SLC5A3: variants seen among roughly 807,000 people sequenced by gnomAD.
SLC5A3 encodes sodium/myo-inositol cotransporter.
Under a neutral mutation model 43.2 loss-of-function variants are expected in SLC5A3, and 10 were observed. The observed-to-expected ratio is 0.23, with a 90% CI of 0.14 to 0.39. SLC5A3 has a LOEUF of 0.39. Ranked by LOEUF, SLC5A3 falls within the 10% of genes least tolerant of loss-of-function variation. The pLI is 1.00. For synonymous variants in SLC5A3, 349 were observed against 322.0 expected, an observed-to-expected ratio of 1.08 and a Z score of -0.90; for missense variants, 608 against 893.4, an observed-to-expected ratio of 0.68 and a Z score of 4.07.
chr21:34,077,295 T>C (rs1399675596), intron 1 of SLC5A3, among the ~76,000 whole-genome samples: 1 of 152,236 alleles, frequency 6.6e-6, no homozygotes, highest in African/African-American at 2.4e-5. Flanking sequence ...TAGACACTTT[T>C]TATGCCTTGG....
In SLC5A3 at chr21:34,095,025, ATCAC is replaced by A; in HGVS notation, c.-173_-170del. 1.3e-6 allele frequency: 1 copy of A among 752,732 alleles called. No individual in the cohort carries two copies. Among genetic ancestry groups the A allele is most frequent in the African/African-American group, 1.8e-5 (1 of 55,510 alleles). 46.6% of individuals were successfully genotyped at this position (752,732 alleles called of 1,614,324 possible). A position where few individuals can be genotyped will look rare whatever the true frequency, so the allele number is the denominator to read the frequency against. On this transcript the variant is annotated 5_prime_UTR_variant, in exon 2 of 2. Transcript: ENST00000381151. ...ATTTAAACTGTCTTCTTCAAAGTTT[ATCAC>A]AACCACCACCATCAAGACAGCAAAC... is the stretch of plus-strand genomic sequence containing the variant.
At position 34,096,437 on chromosome 21, in the gene SLC5A3, A is replaced by G. The variant is rs933707054; in HGVS notation, c.1239A>G (p.Ile413Met). 4 of 1,614,060 alleles carry G rather than the reference A, an allele frequency of 2.5e-6. No individual in the cohort carries two copies. Among genetic ancestry groups the G allele is most frequent in the Non-Finnish European group, 3.4e-6 (4 of 1,180,028 alleles). ...GGGAGTTAATGATTGTGGGGAGGAT[A>G]TTTGTGGCATTTATGGTGGTGATCA... ...SSRELMIVGR[I>M]FVAFMVVISI... The change falls in exon 2 of 2, where the codon ATA (isoleucine) becomes ATG (methionine). Residue 413 changes from isoleucine (I) to methionine (M), a missense_variant. Physicochemically the swap from Ile to Met is conservative, Grantham distance 10. Around this residue, in one of 2 missense-constraint regions of SLC5A3, gnomAD observed 398 missense variants for 668.6 expected, o/e 0.60. Transcript: ENST00000381151. This position sits in a 1 kb window ranked among gnomAD's most constrained non-coding sequence, Gnocchi z 5.9.
In SLC5A3 at chr21:34,101,785, T is replaced by G. The variant is rs1209066435; in HGVS notation, c.*4430T>G. On this transcript the variant is annotated 3_prime_UTR_variant, in exon 2 of 2. Transcript: ENST00000381151. ...ATACTGAATTTCTGTTAGCTTAAAA[T>G]GTTAATTCTCAGGAATGATTTTCTC... is the stretch of plus-strand genomic sequence containing the variant. 1.0e-6 allele frequency: 1 copy of G among 996,296 alleles called. No individual in the cohort carries two copies. Among genetic ancestry groups the G allele is most frequent in the Non-Finnish European group, 1.2e-6 (1 of 826,734 alleles). The allele number at this position is 996,296 out of a possible 1,614,324, so 61.7% of individuals were successfully genotyped here.
At chr21:34,083,873 C>G (rs1315324573) in intron 1 of SLC5A3, among the ~76,000 whole-genome samples, 2 of 152,134 alleles carry the variant, frequency 1.3e-5, no homozygotes, top group African/African-American at 4.8e-5. Context: ...TTAGGATGGA[C>G]TCATTGGAAA....
rs1480141149 is a variant in SLC5A3 at position 34,103,216 on chromosome 21, G to T, written c.*5861G>T. ...TATGTGTTTGGATTAGTGCCTTCTG[G>T]TTACCAGTATTGACTCTGCTAGTTT... On this transcript the variant is annotated 3_prime_UTR_variant, in exon 2 of 2. Coordinates refer to ENST00000381151, the MANE Select transcript of SLC5A3 (RefSeq NM_006933.7). The T allele has an allele frequency of 7.0e-6, 7 of 999,144 alleles. No individual in the cohort carries two copies. Among genetic ancestry groups the T allele is most frequent in the Non-Finnish European group, 8.4e-6 (7 of 829,784 alleles). The allele number at this position is 999,144 out of a possible 1,614,324, so 61.9% of individuals were successfully genotyped here.
intron 1 of SLC5A3, among the ~76,000 whole-genome samples, chr21:34,080,144 A>G (rs2148652880): frequency 6.6e-6 from 1 of 152,308 alleles, no homozygotes; most frequent in East Asian, 1.9e-4. Context: ...TGTAGTGCAA[A>G]TATATGTCCT....
chr21:34,096,972 G>A lies in SLC5A3; in HGVS notation c.1774G>A (p.Glu592Lys). The A allele has an allele frequency of 1.2e-6, 2 of 1,614,130 alleles. No homozygotes were observed. The highest frequency in any genetic ancestry group is 1.7e-6 in the Non-Finnish European group (2 of 1,179,996). ...CCACATCATTCCCAACGGGAAATCT[G>A]AAGACAGCATTAAGGGCCTTCAGCC... is the stretch of plus-strand genomic sequence containing the variant. Reference protein sequence around the residue: ...INHIIPNGKSEDSIKGLQPED... With the variant: ...INHIIPNGKSKDSIKGLQPED... Residue 592 changes from glutamate to lysine, a missense_variant, in exon 2 of 2, where the codon GAA becomes AAA. By Grantham distance (56) the Glu-to-Lys change is moderately conservative. Coordinates refer to ENST00000381151, the MANE Select transcript of SLC5A3 (RefSeq NM_006933.7). This position sits in a 1 kb window ranked among gnomAD's most constrained non-coding sequence, Gnocchi z 5.9.
rs1979396061 is a variant in SLC5A3, at chr21:34,104,597, T to A, written c.*7242T>A. 1.0e-6 allele frequency: 1 copy of A among 1,000,112 alleles called. No individual in the cohort carries two copies. The highest frequency in any genetic ancestry group is 1.7e-5 in the African/African-American group (1 of 57,326). The allele number at this position is 1,000,112 out of a possible 1,614,324, so 62.0% of individuals were successfully genotyped here. On this transcript the variant is annotated 3_prime_UTR_variant, in exon 2 of 2. Coordinates refer to ENST00000381151, the MANE Select transcript of SLC5A3 (RefSeq NM_006933.7). ...CTAATATGAGATGTTTTAGAAGAGT[T>A]AACCTGAACACTTTGAGGGAGAGAT... is the stretch of plus-strand genomic sequence containing the variant.
Position 34,103,186 on chromosome 21 carries a change from A to G in SLC5A3, c.*5831A>G, listed in dbSNP as rs2148662161. The G allele has an allele frequency of 1.0e-6, 1 of 1,000,044 alleles. No homozygotes were observed. Among genetic ancestry groups the G allele is most frequent in the South Asian group, 4.7e-5 (1 of 21,280 alleles). 61.9% of individuals were successfully genotyped at this position (1,000,044 alleles called of 1,614,324 possible). Reference sequence around the variant, plus strand: ...TATTCCATAATATAACCAGCTTTTGAAATTTATGTGTTTGGATTAGTGCCT... The same window carrying G: ...TATTCCATAATATAACCAGCTTTTGGAATTTATGTGTTTGGATTAGTGCCT... On this transcript the variant is annotated 3_prime_UTR_variant, in exon 2 of 2. Coordinates refer to ENST00000381151, the MANE Select transcript of SLC5A3 (RefSeq NM_006933.7).
chr21:34,087,109 G>T (rs1001942952), intron 1 of SLC5A3, among the ~76,000 whole-genome samples: 10 of 152,164 alleles, frequency 6.6e-5, no homozygotes, highest in African/African-American at 2.4e-4. Context: ...GGAGATGGTG[G>T]CTCCAGATAC....
At chr21:34,084,350 G>A (rs568524524) in intron 1 of SLC5A3, among the ~76,000 whole-genome samples, 4 of 152,082 alleles carry the variant, frequency 2.6e-5, no homozygotes, top group Middle Eastern at 6.8e-3. Flanking sequence ...TCTAGAAACA[G>A]TTTTTTTCTA....
At chr21:34,082,915 G>A (rs1453611789) in intron 1 of SLC5A3, among the ~76,000 whole-genome samples, 1 of 152,048 alleles carries the variant, frequency 6.6e-6, no homozygotes, top group Non-Finnish European at 1.5e-5. Context: ...TGTCCACTTT[G>A]GGCATACCTC....
Position 34,098,654 on chromosome 21 carries a change from CAA to C in SLC5A3, c.*1300_*1301del. 1.0e-6 allele frequency: 1 copy of C among 1,000,242 alleles called. No individual in the cohort carries two copies. The allele number at this position is 1,000,242 out of a possible 1,614,324, so 62.0% of individuals were successfully genotyped here. A position where few individuals can be genotyped will look rare whatever the true frequency, so the allele number is the denominator to read the frequency against. On this transcript the variant is annotated 3_prime_UTR_variant, in exon 2 of 2. Transcript: ENST00000381151. The stretch of plus-strand genomic sequence containing the variant: ...GATAGCATGTTTGAGAGGTGCCAAA[CAA>C]GAACTTTTGGGGTTAGTAGTGTGTC...
In SLC5A3 at chr21:34,102,148, G is replaced by A. The variant is rs183044008; in HGVS notation, c.*4793G>A. The A allele has an allele frequency of 2.0e-6, 2 of 999,984 alleles. No individual in the cohort carries two copies. The highest frequency in any genetic ancestry group is 1.7e-5 in the African/African-American group (1 of 57,210). 61.9% of individuals were successfully genotyped at this position (999,984 alleles called of 1,614,324 possible). A position where few individuals can be genotyped will look rare whatever the true frequency, so the allele number is the denominator to read the frequency against. On this transcript the variant is annotated 3_prime_UTR_variant, in exon 2 of 2. Coordinates refer to ENST00000381151, the MANE Select transcript of SLC5A3 (RefSeq NM_006933.7). ...TAATATGGAATGTTTTTGTCAGACT[G>A]TCCTTTGTTGGAATACTTTAGCTGT... is the stretch of plus-strand genomic sequence containing the variant.
intron 1 of SLC5A3, among the ~76,000 whole-genome samples, chr21:34,083,310 A>C (rs1314315879): frequency 1.3e-5 from 2 of 152,200 alleles, no homozygotes; most frequent in African/African-American, 4.8e-5. Context: ...TTCCGTTAGA[A>C]AGGTGCAGAA....
At chr21:34,091,071 A>T (rs1978659395) in intron 1 of SLC5A3, among the ~76,000 whole-genome samples, 1 of 152,206 alleles carries the variant, frequency 6.6e-6, no homozygotes, top group African/African-American at 2.4e-5. Context: ...CCCTTCAATT[A>T]TTAGCTGGCT....
In SLC5A3 at chr21:34,101,733, C is replaced by T. The variant is rs996643535; in HGVS notation, c.*4378C>T. The T allele has an allele frequency of 4.0e-6, 4 of 991,404 alleles. No individual in the cohort carries two copies. In the African/African-American group the frequency reaches 7.0e-5, roughly 17 times the overall value. The allele number at this position is 991,404 out of a possible 1,614,324, so 61.4% of individuals were successfully genotyped here. Reference sequence around the variant, plus strand: ...GAGGACTTTTAGATCCAAATAATGACTCATTAAATATAATTATGTTTTAAG... The same window carrying T: ...GAGGACTTTTAGATCCAAATAATGATTCATTAAATATAATTATGTTTTAAG... On this transcript the variant is annotated 3_prime_UTR_variant, in exon 2 of 2. Coordinates refer to ENST00000381151, the MANE Select transcript of SLC5A3 (RefSeq NM_006933.7).
In SLC5A3 at chr21:34,098,654, CAAG is replaced by C. The variant is rs903914394; in HGVS notation, c.*1302_*1304del. ...GATAGCATGTTTGAGAGGTGCCAAA[CAAG>C]AACTTTTGGGGTTAGTAGTGTGTCT... is the stretch of plus-strand genomic sequence containing the variant. On this transcript the variant is annotated 3_prime_UTR_variant, in exon 2 of 2. Transcript: ENST00000381151. 6.0e-6 allele frequency: 6 copies of C among 1,000,242 alleles called. No individual in the cohort carries two copies. In the African/African-American group the frequency reaches 8.7e-5, roughly 15 times the overall value. 62.0% of individuals were successfully genotyped at this position (1,000,242 alleles called of 1,614,324 possible).
Position 34,105,720 on chromosome 21 carries a change from C to T in SLC5A3, c.*8365C>T, listed in dbSNP as rs933115390. ...GTTTTTTGAATTGTAAATGGATTTCCAGTTTACCTTCTGTTGTCTACAGCT... is the reference window on the plus strand; with the variant it reads ...GTTTTTTGAATTGTAAATGGATTTCTAGTTTACCTTCTGTTGTCTACAGCT... On this transcript the variant is annotated 3_prime_UTR_variant, in exon 2 of 2. Coordinates refer to ENST00000381151, the MANE Select transcript of SLC5A3 (RefSeq NM_006933.7). 1.8e-5 allele frequency: 18 copies of T among 997,786 alleles called. No individual in the cohort carries two copies. Among genetic ancestry groups the T allele is most frequent in the Admixed American group, 6.2e-5 (1 of 16,232 alleles). The allele number at this position is 997,786 out of a possible 1,614,324, so 61.8% of individuals were successfully genotyped here.
Sources: gnomAD v4.1 joint callset for allele counts (sites outside exome capture counted in the v4.1 genomes callset) on GRCh38, gnomAD v4.1.1 for gene constraint, gnomAD v4.1.1 regional missense constraint, Gnocchi (gnomAD v3.1) non-coding constraint, MANE v1.5 for transcripts, NCBI Gene and HGNC (gene_info 2026-07-23, HGNC 2026-07-21) for gene names.